Variants in CREB5 observed in about 807,000 individuals in gnomAD.
CREB5 encodes the protein cAMP responsive element binding protein 5.
Under a neutral mutation model 57.1 loss-of-function variants are expected in CREB5, and 19 were observed. That is an observed-to-expected ratio of 0.33 (90% CI 0.23 to 0.49). The LOEUF (loss-of-function observed/expected upper bound fraction) is 0.49, where lower values mean the gene tolerates loss of function less well. CREB5 is among the 20% of genes least tolerant of loss of function. The pLI is 0.99. For missense variants in CREB5, 579 were observed against 671.6 expected, an observed-to-expected ratio of 0.86 and a Z score of 1.52; for synonymous variants, 238 against 238.3, an observed-to-expected ratio of 1.00 and a Z score of 0.01.
At chr7:28,370,139 GGTAA>G (rs1439997690) in intron 1 of CREB5, among the ~76,000 whole-genome samples, 1 of 152,170 alleles carries the variant, frequency 6.6e-6, no homozygotes, top group Non-Finnish European at 1.5e-5. Flanking sequence ...GAATGGGAAG[GGTAA>G]GTATTTACAT....
At chr7:28,488,358 C>T (rs1198251062) in intron 2 of CREB5, 112 bp downstream of exon 2, 2 of 794,792 alleles carry the variant, frequency 2.5e-6, no homozygotes, top group African/African-American at 3.4e-5. Flanking sequence ...TACCAAGACA[C>T]CACCAAAGTC....
intron 10 of CREB5, 33 bp from the exon 11 acceptor site, chr7:28,819,073 GTGTGTGTGTA>G (rs1809610300): frequency 5.7e-6 from 9 of 1,577,068 alleles, no homozygotes; most frequent in Non-Finnish European, 7.7e-6. Context: ...ACCTATATTG[GTGTGTGTGTA>G]TGTGTGTGTG....
At chr7:28,426,788 C>T (rs1191583234) in intron 1 of CREB5, among the ~76,000 whole-genome samples, 1 of 152,248 alleles carries the variant, frequency 6.6e-6, no homozygotes, top group Admixed American at 6.5e-5. Flanking sequence ...TAAACTCCCT[C>T]TCCTGGATTG....
chr7:28,300,545 G>T (rs1289933501), intron 1 of CREB5, among the ~76,000 whole-genome samples: 1 of 152,112 alleles, frequency 6.6e-6, no homozygotes, highest in Non-Finnish European at 1.5e-5. Context: ...AACAGCCCAT[G>T]CTTTTGAGGA....
rs1264407457 is a variant in CREB5, at chr7:28,541,226, C to T, written c.292-29139C>T. ...GCTTGTGAAAGTATTTAGGGAAATA[C>T]ACACAGGTTCTGCACTCTCACTGGT... On this transcript the variant is annotated intron_variant, in intron 4 of 10. Transcript: ENST00000357727. 2.6e-5 allele frequency among the ~76,000 whole-genome samples: 4 copies of T among 152,154 alleles called. No individual in the cohort carries two copies. In the East Asian group the frequency reaches 7.7e-4, roughly 29 times the overall value.
intron 1 of CREB5, among the ~76,000 whole-genome samples, chr7:28,313,970 G>C (rs1785328933): frequency 6.6e-6 from 1 of 152,146 alleles, no homozygotes; most frequent in Non-Finnish European, 1.5e-5. Flanking sequence ...TGACACCACT[G>C]AAAAAATATT....
At chr7:28,734,106 C>T (rs1476741249) in intron 7 of CREB5, among the ~76,000 whole-genome samples, 3 of 151,494 alleles carry the variant, frequency 2.0e-5, no homozygotes, top group Non-Finnish European at 4.4e-5. Context: ...CCTCTTGACC[C>T]CTGGTGTGGC....
intron 5 of CREB5, among the ~76,000 whole-genome samples, chr7:28,575,173 AAAT>A (rs1480805178): frequency 1.3e-5 from 2 of 152,232 alleles, no homozygotes; most frequent in African/African-American, 4.8e-5. Context: ...AAACAAAGAA[AAAT>A]AATAATAAAA....
intron 1 of CREB5, among the ~76,000 whole-genome samples, chr7:28,404,413 CAGAG>C (rs924090203): frequency 6.6e-5 from 10 of 152,108 alleles, no homozygotes; most frequent in African/African-American, 2.4e-4. Flanking sequence ...CCCACTCAGT[CAGAG>C]AGATCATGAA....
intron 6 of CREB5, among the ~76,000 whole-genome samples, chr7:28,719,719 C>T (rs1160496452): frequency 2.0e-5 from 3 of 152,080 alleles, no homozygotes; most frequent in Non-Finnish European, 4.4e-5. Flanking sequence ...CCAGGTAGTC[C>T]GACTTCTGAG....
chr7:28,660,381 G>GTTTTTTTTTTTTTTTTTTTT (rs10696255), intron 5 of CREB5, among the ~76,000 whole-genome samples: 1 of 119,260 alleles, frequency 8.4e-6, no homozygotes, highest in Non-Finnish European at 1.7e-5. Flanking sequence ...GCATTCAACA[G>GTTTTTTTTTTTTTTTTTTTT]TTTTTTTTTT....
chr7:28,369,756 A>G (rs1335125276), intron 1 of CREB5, among the ~76,000 whole-genome samples: 1 of 152,170 alleles, frequency 6.6e-6, no homozygotes, highest in Non-Finnish European at 1.5e-5. Context: ...GGAGACCAGG[A>G]CTTCTATGTC....
intron 1 of CREB5, among the ~76,000 whole-genome samples, chr7:28,360,134 G>A (rs558365399): frequency 6.6e-6 from 1 of 152,188 alleles, no homozygotes; most frequent in East Asian, 1.9e-4. Context: ...AATGGAAATG[G>A]GTACAACCAC....
At chr7:28,740,541 A>G (rs1021504517) in intron 7 of CREB5, among the ~76,000 whole-genome samples, 31 of 152,298 alleles carry the variant, frequency 2.0e-4, no homozygotes, top group African/African-American at 7.2e-4. Flanking sequence ...AGAAACATTC[A>G]AGAGAATGAC....
At chr7:28,705,202 A>C (rs1802045400) in intron 5 of CREB5, among the ~76,000 whole-genome samples, 1 of 151,972 alleles carries the variant, frequency 6.6e-6, no homozygotes, top group South Asian at 2.1e-4. Context: ...ATCTCTACTA[A>C]AAATACAAAA....
At chr7:28,338,557 C>G (rs1382796252) in intron 1 of CREB5, among the ~76,000 whole-genome samples, 2 of 152,116 alleles carry the variant, frequency 1.3e-5, no homozygotes, top group East Asian at 3.9e-4. Flanking sequence ...CTTTCTTTAT[C>G]CTTGATCTTT....
chr7:28,773,765 C>G (rs1806468859), intron 7 of CREB5, among the ~76,000 whole-genome samples: 1 of 152,188 alleles, frequency 6.6e-6, no homozygotes, highest in Non-Finnish European at 1.5e-5. Flanking sequence ...CAGACCAGCC[C>G]CTAATATGGC....
intron 1 of CREB5, among the ~76,000 whole-genome samples, chr7:28,390,442 C>T (rs1013678841): frequency 6.6e-6 from 1 of 152,180 alleles, no homozygotes; most frequent in African/African-American, 2.4e-5. Context: ...AAATATGTTA[C>T]TGATCACTTG....
chr7:28,408,534 G>A (rs1787639357), upstream of CREB5, among the ~76,000 whole-genome samples: 1 of 152,170 alleles, frequency 6.6e-6, no homozygotes, highest in Admixed American at 6.5e-5. Context: ...CCGTGAGCTT[G>A]GGCCAGTTAC....
Sources: allele counts gnomAD v4.1 joint callset (sites outside exome capture counted in the v4.1 genomes callset), GRCh38; gene constraint gnomAD v4.1.1; transcripts MANE v1.5; gene names NCBI Gene and HGNC (gene_info 2026-07-23, HGNC 2026-07-21).